Variants in RAB3GAP1 observed in about 807,000 individuals in gnomAD.
The protein encoded by RAB3GAP1 is rab3 GTPase-activating protein catalytic subunit.
Under a neutral mutation model 130.7 loss-of-function variants are expected in RAB3GAP1, and 86 were observed. The ratio of observed to expected loss-of-function variants is 0.66; its 90% CI spans 0.55 to 0.79. The LOEUF is 0.79. Ranked by LOEUF, RAB3GAP1 falls within the 30% of genes least tolerant of loss-of-function variation. The probability of loss-of-function intolerance (pLI) is 0.00; values close to 1 mark genes in which losing one functional copy is unlikely to be tolerated. For missense variants in RAB3GAP1, 1,029 were observed against 1,169.4 expected (o/e 0.88, Z 1.75); for synonymous variants, 367 against 401.7 (o/e 0.91, Z 1.03).
intron 17 of RAB3GAP1, among the ~76,000 whole-genome samples, chr2:135,146,993 C>T (rs1036642861): frequency 5.9e-5 from 9 of 151,730 alleles, no homozygotes; most frequent in Non-Finnish European, 1.3e-4. Flanking sequence ...CACACACACA[C>T]ACACACGAAA....
At chr2:135,174,614 T>C (rs576041676), downstream of RAB3GAP1, among the ~76,000 whole-genome samples, 2 of 152,232 alleles carry the variant, frequency 1.3e-5, no homozygotes, top group Non-Finnish European at 2.9e-5. Flanking sequence ...TAATGACTTG[T>C]CCATGCTGTT....
Position 135,150,407 on chromosome 2 carries a change from GT to G in RAB3GAP1, c.1963del (p.Ser655LeufsTer4), listed in dbSNP as rs1692142353. On this transcript the variant is annotated frameshift_variant, in exon 18 of 24. Transcript: ENST00000264158. LOFTEE classifies it high-confidence loss of function. ...PMTEDLLEEQ[S>X]EVLAKLGTSA... ...TGACAGAAGATCTGCTAGAAGAGCA[GT>G]CTGAAGTTTTAGCTAAATTAGGTAC... 1 of 1,614,092 alleles carries G rather than the reference GT, an allele frequency of 6.2e-7. No individual in the cohort carries two copies. The highest frequency in any genetic ancestry group is 8.5e-7 in the Non-Finnish European group (1 of 1,180,042).
At chr2:135,062,096 C>T (rs1482433448) in intron 3 of RAB3GAP1, among the ~76,000 whole-genome samples, 1 of 151,976 alleles carries the variant, frequency 6.6e-6, no homozygotes, top group African/African-American at 2.4e-5. Context: ...TCTTGGCTCA[C>T]TGCAGCCTCC....
At chr2:135,065,794 C>T (rs911242623) in intron 3 of RAB3GAP1, among the ~76,000 whole-genome samples, 16 of 124,970 alleles carry the variant, frequency 1.3e-4, no homozygotes, top group Admixed American at 6.2e-4. Flanking sequence ...TTTTTTGAGA[C>T]GGAGTCTCAC....
At chr2:135,100,415 T>G (rs997943986) in intron 5 of RAB3GAP1, among the ~76,000 whole-genome samples, 5 of 152,230 alleles carry the variant, frequency 3.3e-5, no homozygotes, top group Admixed American at 6.5e-5. Context: ...TGCTCGCTTT[T>G]GCCTTTCAGT....
intron 6 of RAB3GAP1, among the ~76,000 whole-genome samples, chr2:135,114,576 G>T (rs72978364): frequency 0.054 from 8,235 of 152,194 alleles, 418 homozygotes; most frequent in African/African-American, 0.14. Context: ...ATACAGACTT[G>T]GGTTCCTTCG....
At chr2:135,140,995 A>G (rs555612619) in intron 17 of RAB3GAP1, among the ~76,000 whole-genome samples, 1 of 152,180 alleles carries the variant, frequency 6.6e-6, no homozygotes, top group Admixed American at 6.5e-5. Flanking sequence ...GCCTTTCTGA[A>G]GGGTAGGAGG....
intron 3 of RAB3GAP1, among the ~76,000 whole-genome samples, chr2:135,078,584 T>C (rs1462021746): frequency 1.3e-5 from 2 of 151,458 alleles, no homozygotes; most frequent in African/African-American, 4.9e-5. Flanking sequence ...AAATTTGTTA[T>C]ACATTCTGGT....
chr2:135,106,606 C>CA, intron 5 of RAB3GAP1, among the ~76,000 whole-genome samples: 1 of 152,046 alleles, frequency 6.6e-6, no homozygotes, highest in East Asian at 1.9e-4. Flanking sequence ...TCCAGGGACA[C>CA]AAACACTGCG....
intron 17 of RAB3GAP1, among the ~76,000 whole-genome samples, chr2:135,147,361 A>G (rs1307018104): frequency 6.6e-6 from 1 of 151,812 alleles, no homozygotes; most frequent in African/African-American, 2.4e-5. Flanking sequence ...AAAAAAAAAA[A>G]TCTTTTAACA....
At chr2:135,072,726 T>G (rs1471861783) in intron 3 of RAB3GAP1, among the ~76,000 whole-genome samples, 1 of 152,214 alleles carries the variant, frequency 6.6e-6, no homozygotes, top group African/African-American at 2.4e-5. Context: ...CAAGATCCTT[T>G]CTCATATAAA....
chr2:135,074,433 T>G (rs1689564769), intron 3 of RAB3GAP1, among the ~76,000 whole-genome samples: 1 of 152,210 alleles, frequency 6.6e-6, no homozygotes, highest in Non-Finnish European at 1.5e-5. Context: ...TGTCATTCAT[T>G]GCCAGAGGAA....
At chr2:135,073,854 T>C (rs966669292) in intron 3 of RAB3GAP1, among the ~76,000 whole-genome samples, 1 of 152,148 alleles carries the variant, frequency 6.6e-6, no homozygotes, top group Admixed American at 6.5e-5. Flanking sequence ...CTGAGGGAAT[T>C]GAGGGGCTTC....
Position 135,150,319 on chromosome 2 carries a change from C to G in RAB3GAP1, c.1924-50C>G, listed in dbSNP as rs564688888. 3 of 1,608,860 alleles carry G rather than the reference C, an allele frequency of 1.9e-6. No homozygotes were observed. In the South Asian group the frequency reaches 3.3e-5, roughly 18 times the overall value. On this transcript the variant is annotated intron_variant, in intron 17 of 23. Transcript: ENST00000264158. The stretch of plus-strand genomic sequence containing the variant: ...TCTTTATTCTATTTTTATGGTACTT[C>G]TTTTTCTAAAAAGGGCTGTTTATGA...
chr2:135,149,603 T>C (rs1290535632), intron 17 of RAB3GAP1, among the ~76,000 whole-genome samples: 1 of 152,224 alleles, frequency 6.6e-6, no homozygotes, highest in African/African-American at 2.4e-5. Context: ...GCATGTTCAT[T>C]GTAGAGAAAA....
chr2:135,080,512 G>A (rs537045611), intron 3 of RAB3GAP1, among the ~76,000 whole-genome samples: 1 of 152,326 alleles, frequency 6.6e-6, no homozygotes, highest in East Asian at 1.9e-4. Context: ...GTGCCTATTA[G>A]ATCTGAGTGC....
chr2:135,113,725 A>C (rs968623978), intron 6 of RAB3GAP1, among the ~76,000 whole-genome samples: 1 of 151,028 alleles, frequency 6.6e-6, no homozygotes, highest in African/African-American at 2.4e-5. Flanking sequence ...TTCTCAACTC[A>C]TTTTTGCTCA....
chr2:135,067,467 G>A (rs1461695356), intron 3 of RAB3GAP1, among the ~76,000 whole-genome samples: 1 of 152,174 alleles, frequency 6.6e-6, no homozygotes, highest in Non-Finnish European at 1.5e-5. Flanking sequence ...AAAAAAATAG[G>A]TGTTTTGTTA....
At chr2:135,145,204 G>T (rs539639006) in intron 17 of RAB3GAP1, among the ~76,000 whole-genome samples, 72 of 152,172 alleles carry the variant, frequency 4.7e-4, no homozygotes, top group South Asian at 1.0e-3. Flanking sequence ...TGATAAATCT[G>T]TCACTTATTT....
Sources: allele counts gnomAD v4.1 joint callset (sites outside exome capture counted in the v4.1 genomes callset), GRCh38; gene constraint gnomAD v4.1.1; transcripts MANE v1.5; gene names NCBI Gene and HGNC (gene_info 2026-07-23, HGNC 2026-07-21).